RAP1GDS1: variants seen among roughly 807,000 people sequenced by gnomAD.
RAP1GDS1 encodes RAP1, GTP-GDP dissociation stimulator 1.
Under a neutral mutation model 71.1 loss-of-function variants are expected in RAP1GDS1, and 35 were observed. The observed-to-expected ratio is 0.49, with a 90% CI of 0.38 to 0.65. The LOEUF (loss-of-function observed/expected upper bound fraction) is 0.65, where lower values mean the gene tolerates loss of function less well. RAP1GDS1 is among the 30% of genes least tolerant of loss of function. The pLI, the probability that RAP1GDS1 is intolerant of heterozygous loss-of-function variation, is 0.00. For synonymous variants in RAP1GDS1, 229 were observed against 243.1 expected (o/e 0.94, Z 0.54); for missense variants, 663 against 706.1 (o/e 0.94, Z 0.69).
At chr4:98,393,090 A>T (rs1457287004) in intron 6 of RAP1GDS1, among the ~76,000 whole-genome samples, 1 of 152,206 alleles carries the variant, frequency 6.6e-6, no homozygotes, top group Non-Finnish European at 1.5e-5. Context: ...TAGTGAAATG[A>T]AATGGTGTTT....
intron 2 of RAP1GDS1, among the ~76,000 whole-genome samples, chr4:98,332,278 A>G (rs1402229610): frequency 6.6e-6 from 1 of 152,222 alleles, no homozygotes. Flanking sequence ...GAACACGTGG[A>G]TCTTAGCAGC....
intron 2 of RAP1GDS1, among the ~76,000 whole-genome samples, chr4:98,303,627 A>AATAAT (rs3048386): frequency 0.75 from 106,433 of 141,120 alleles, 40,417 homozygotes; most frequent in Non-Finnish European, 0.8. Flanking sequence ...GTAAATTAAT[A>AATAAT]ATAATATAAT....
At chr4:98,384,430 T>G (rs898052054) in intron 5 of RAP1GDS1, among the ~76,000 whole-genome samples, 1 of 151,664 alleles carries the variant, frequency 6.6e-6, no homozygotes, top group African/African-American at 2.4e-5. Flanking sequence ...TCTAGTCAGT[T>G]TGCTGAAAAA....
chr4:98,261,524 CCTT>C lies in RAP1GDS1; in HGVS notation c.-40_-38del, dbSNP rs750483604. On this transcript the variant is annotated 5_prime_UTR_variant, in exon 1 of 15. Coordinates refer to ENST00000408927, the MANE Select transcript of RAP1GDS1 (RefSeq NM_001100427.2). ...AGAGCCGCGCCGCCCGCACCACAGA[CCTT>C]CGCCTCGCCCCGCCGGTTCCTCACC... The C allele has an allele frequency of 6.3e-7, 1 of 1,592,060 alleles. No individual in the cohort carries two copies. Among genetic ancestry groups the C allele is most frequent in the South Asian group, 1.1e-5 (1 of 88,532 alleles).
chr4:98,336,824 A>G (rs1405756292), intron 2 of RAP1GDS1, among the ~76,000 whole-genome samples: 1 of 151,866 alleles, frequency 6.6e-6, no homozygotes, highest in Non-Finnish European at 1.5e-5. Context: ...TGGCCCTTAC[A>G]TTAAGCTACT....
chr4:98,437,813 T>G (rs1027204889), intron 14 of RAP1GDS1, among the ~76,000 whole-genome samples: 3 of 151,980 alleles, frequency 2.0e-5, no homozygotes, highest in Non-Finnish European at 4.4e-5. Context: ...AAAAATTTTT[T>G]TTTTCAACAA....
chr4:98,437,681 T>C (rs1431647632), intron 14 of RAP1GDS1, among the ~76,000 whole-genome samples: 1 of 151,762 alleles, frequency 6.6e-6, no homozygotes, highest in East Asian at 1.9e-4. Context: ...TAGTCCCAGC[T>C]ACTCAGAAGG....
At chr4:98,333,571 A>G (rs1016459086) in intron 2 of RAP1GDS1, among the ~76,000 whole-genome samples, 3 of 152,202 alleles carry the variant, frequency 2.0e-5, no homozygotes, top group African/African-American at 4.8e-5. Flanking sequence ...AAAGACCCAG[A>G]CATTTAATGA....
At chr4:98,339,477 G>A (rs1195979347) in intron 2 of RAP1GDS1, among the ~76,000 whole-genome samples, 2 of 152,114 alleles carry the variant, frequency 1.3e-5, no homozygotes, top group East Asian at 3.9e-4. Flanking sequence ...AAGGAGTGTA[G>A]TTAAAATGTC....
intron 14 of RAP1GDS1, among the ~76,000 whole-genome samples, chr4:98,438,382 A>G (rs28798461): frequency 0.19 from 29,090 of 151,182 alleles, 4,363 homozygotes; most frequent in African/African-American, 0.42. Context: ...TGTATACAGC[A>G]CAAAGTTGTC....
At chr4:98,427,629 T>C (rs1262706190) in intron 12 of RAP1GDS1, among the ~76,000 whole-genome samples, 2 of 151,520 alleles carry the variant, frequency 1.3e-5, no homozygotes, top group African/African-American at 2.4e-5. Flanking sequence ...AAAAATAAAA[T>C]AAAATAAAAT....
intron 1 of RAP1GDS1, among the ~76,000 whole-genome samples, chr4:98,275,123 T>G (rs1175661409): frequency 6.6e-6 from 1 of 152,032 alleles, no homozygotes; most frequent in Non-Finnish European, 1.5e-5. Flanking sequence ...ATAACTTCCT[T>G]TGTCTTGCGA....
At chr4:98,389,711 A>G (rs1044104361) in intron 5 of RAP1GDS1, among the ~76,000 whole-genome samples, 9 of 152,210 alleles carry the variant, frequency 5.9e-5, no homozygotes, top group Non-Finnish European at 1.3e-4. Context: ...ATTAAGCGCT[A>G]TAACATTTCT....
intron 10 of RAP1GDS1, among the ~76,000 whole-genome samples, chr4:98,419,430 T>G (rs1748486903): frequency 6.6e-6 from 1 of 152,210 alleles, no homozygotes; most frequent in African/African-American, 2.4e-5. Flanking sequence ...AGTTGTTGTT[T>G]TTCTATAAGC....
At chr4:98,416,952 CT>C (rs1748125538) in intron 8 of RAP1GDS1, 64 bp downstream of exon 8, 1 of 1,539,742 alleles carries the variant, frequency 6.5e-7, no homozygotes, top group African/African-American at 1.4e-5. Context: ...TTTATTGTCT[CT>C]TCTGTAAATA....
intron 5 of RAP1GDS1, among the ~76,000 whole-genome samples, chr4:98,388,409 T>A (rs896339702): frequency 6.6e-6 from 1 of 152,140 alleles, no homozygotes; most frequent in Non-Finnish European, 1.5e-5. Context: ...TGTTTCCCAC[T>A]CACCTCCCAA....
At chr4:98,376,328 G>T (rs911593387) in intron 4 of RAP1GDS1, among the ~76,000 whole-genome samples, 1 of 152,016 alleles carries the variant, frequency 6.6e-6, no homozygotes, top group Non-Finnish European at 1.5e-5. Context: ...TTAGGATAGG[G>T]AACCTTTTGA....
intron 2 of RAP1GDS1, among the ~76,000 whole-genome samples, chr4:98,308,297 C>CTATATAAA (rs1729672062): frequency 1.4e-5 from 1 of 73,228 alleles, no homozygotes; most frequent in African/African-American, 5.0e-5. Flanking sequence ...CACACACACA[C>CTATATAAA]TATATATATA....
intron 6 of RAP1GDS1, chr4:98,395,811 A>G (rs1451734088): frequency 6.6e-6 from 1 of 152,196 alleles, no homozygotes; most frequent in African/African-American, 2.4e-5. Flanking sequence ...TGAATGACCC[A>G]ATCAATACTG....
Sources: allele counts gnomAD v4.1 joint callset (sites outside exome capture counted in the v4.1 genomes callset), GRCh38; gene constraint gnomAD v4.1.1; transcripts MANE v1.5; gene names NCBI Gene and HGNC (gene_info 2026-07-23, HGNC 2026-07-21).